Variants in VRK1 observed in about 807,000 individuals in gnomAD.
VRK1 encodes the protein serine/threonine-protein kinase VRK1.
A neutral mutation model predicts 57.1 loss-of-function variants in VRK1; 33 were observed. The observed-to-expected ratio is 0.58, with a 90% CI of 0.44 to 0.77. The LOEUF (loss-of-function observed/expected upper bound fraction) is 0.77. VRK1 is among the 30% of genes least tolerant of loss of function. The probability of loss-of-function intolerance (pLI) is 0.00; values close to 1 mark genes in which losing one functional copy is unlikely to be tolerated. For missense variants in VRK1, 413 were observed against 477.3 expected (o/e 0.87, Z 1.25); for synonymous variants, 137 against 147.8 (o/e 0.93, Z 0.53).
At chr14:96,842,976 C>G (rs1887525705) in intron 3 of VRK1, among the ~76,000 whole-genome samples, 1 of 152,146 alleles carries the variant, frequency 6.6e-6, no homozygotes, top group Non-Finnish European at 1.5e-5. Flanking sequence ...ATGTATCTGC[C>G]TTATGAAACA....
At chr14:96,857,733 T>A (rs983098812) in intron 10 of VRK1, among the ~76,000 whole-genome samples, 7 of 152,144 alleles carry the variant, frequency 4.6e-5, no homozygotes, top group Non-Finnish European at 1.0e-4. Flanking sequence ...CTCAGTTGTC[T>A]CCTTTTCAGG....
At chr14:96,871,829 A>T (rs866440727) in intron 11 of VRK1, among the ~76,000 whole-genome samples, 7 of 151,120 alleles carry the variant, frequency 4.6e-5, no homozygotes, top group Admixed American at 6.6e-5. Flanking sequence ...TTTTATTTTT[A>T]TTTTTTTTTG....
intron 3 of VRK1, 118 bp downstream of exon 3, chr14:96,837,935 C>T (rs1258770187): frequency 1.2e-5 from 7 of 561,750 alleles, no homozygotes; most frequent in Non-Finnish European, 2.0e-5. Context: ...TTTTTAATAA[C>T]TTAAAAAATA....
chr14:96,830,570 C>T (rs1886964674), intron 1 of VRK1, among the ~76,000 whole-genome samples: 1 of 151,924 alleles, frequency 6.6e-6, no homozygotes, highest in South Asian at 2.1e-4. Flanking sequence ...TGTTTTTTAG[C>T]TTGTTTTGAA....
chr14:96,845,297 T>G (rs980956096), intron 3 of VRK1, among the ~76,000 whole-genome samples: 1 of 152,202 alleles, frequency 6.6e-6, no homozygotes, highest in Non-Finnish European at 1.5e-5. Flanking sequence ...AATTTACTAT[T>G]TAAAAAGTCC....
At chr14:96,875,081 A>G (rs1888972744) in intron 11 of VRK1, among the ~76,000 whole-genome samples, 1 of 152,214 alleles carries the variant, frequency 6.6e-6, no homozygotes, top group Non-Finnish European at 1.5e-5. Context: ...TTGGATTAAA[A>G]TTTGTATTTT....
chr14:96,808,020 T>TCTCTATCTCTCCCA (rs1566683624), intron 1 of VRK1, among the ~76,000 whole-genome samples: 1 of 31,818 alleles, frequency 3.1e-5, no homozygotes, highest in African/African-American at 9.5e-5. Context: ...TCTCCCTCTG[T>TCTCTATCTCTCCCA]GTGTGTGTGT....
At chr14:96,800,855 TAATTA>T (rs1276261498) in intron 1 of VRK1, among the ~76,000 whole-genome samples, 1 of 152,024 alleles carries the variant, frequency 6.6e-6, no homozygotes, top group African/African-American at 2.4e-5. Context: ...ATGAAGTAAA[TAATTA>T]AATTGCAAGC....
intron 1 of VRK1, among the ~76,000 whole-genome samples, chr14:96,805,822 A>C (rs1022876137): frequency 6.6e-6 from 1 of 152,224 alleles, no homozygotes; most frequent in African/African-American, 2.4e-5. Flanking sequence ...CTTTCATGCA[A>C]CATCTCACAT....
At chr14:96,869,914 T>A (rs566520965) in intron 11 of VRK1, among the ~76,000 whole-genome samples, 5 of 152,332 alleles carry the variant, frequency 3.3e-5, no homozygotes, top group South Asian at 4.1e-4. Context: ...ATGTGTTGCC[T>A]TGAGATTAGT....
chr14:96,822,698 T>A (rs547307404), intron 1 of VRK1, among the ~76,000 whole-genome samples: 1 of 152,370 alleles, frequency 6.6e-6, no homozygotes, highest in South Asian at 2.1e-4. Flanking sequence ...GGAGAATTTT[T>A]CTTGACTTAG....
chr14:96,828,587 C>T (rs773756047), intron 1 of VRK1, among the ~76,000 whole-genome samples: 4 of 152,016 alleles, frequency 2.6e-5, no homozygotes, highest in South Asian at 2.1e-4. Context: ...TGAGTGTGCC[C>T]GATCTCGTCT....
chr14:96,876,757 C>T, intron 12 of VRK1, among the ~76,000 whole-genome samples: 1 of 138,344 alleles, frequency 7.2e-6, no homozygotes, highest in Admixed American at 7.5e-5. Flanking sequence ...TGGATGATCA[C>T]TTTTCAAAGT....
chr14:96,822,509 C>G (rs1375918721), intron 1 of VRK1, among the ~76,000 whole-genome samples: 1 of 152,172 alleles, frequency 6.6e-6, no homozygotes, highest in Non-Finnish European at 1.5e-5. Context: ...GAATTTGATT[C>G]ATTGCAAAAC....
At chr14:96,822,546 CAG>C in intron 1 of VRK1, among the ~76,000 whole-genome samples, 2 of 152,302 alleles carry the variant, frequency 1.3e-5, no homozygotes, top group East Asian at 3.9e-4. Flanking sequence ...TGACTTGTGA[CAG>C]AGGCACTACA....
intron 11 of VRK1, 136 bp from the exon 12 acceptor site, chr14:96,875,894 A>G: frequency 1.1e-6 from 1 of 908,348 alleles, no homozygotes; most frequent in Non-Finnish European, 1.7e-6. Context: ...CCTGAAGTTG[A>G]GAATATTCTT....
intron 11 of VRK1, among the ~76,000 whole-genome samples, chr14:96,871,844 G>A (rs1410015330): frequency 1.3e-4 from 20 of 151,044 alleles, no homozygotes; most frequent in Admixed American, 1.2e-3. Flanking sequence ...TTTTTGAGAC[G>A]GAGTCTTGCT....
rs948151259 is a variant in VRK1 at position 96,860,672 on chromosome 14, T to C, written c.1005T>C (p.Asp335=). 12 of 1,613,312 alleles carry C rather than the reference T, an allele frequency of 7.4e-6. No homozygotes were observed. In the African/African-American group the frequency reaches 1.5e-4, roughly 20 times the overall value. Residue 335 remains aspartate, a synonymous_variant, in exon 11 of 13, where the codon GAT becomes GAC. Coordinates refer to ENST00000216639, the MANE Select transcript of VRK1 (RefSeq NM_003384.3). Reference sequence around the variant, plus strand: ...GACTAAAAGCTATAGGAAGTAAGGATGATGGCAAATTGGACCTCAGTGTTG... The same window carrying C: ...GACTAAAAGCTATAGGAAGTAAGGACGATGGCAAATTGGACCTCAGTGTTG... ...LQGLKAIGSK[D]DGKLDLSVVE...
In VRK1 at chr14:96,864,192, T is replaced by A. The variant is rs572928765; in HGVS notation, c.1068+3457T>A. On this transcript the variant is annotated intron_variant, in intron 11 of 12. Transcript: ENST00000216639. ...TGTTATTGAATTCTTTATTTTGAAC[T>A]TCTTATTTGGCTGAATTTTGTCAAG... Among the ~76,000 whole-genome samples the A allele has an allele frequency of 1.8e-4, 27 of 152,324 alleles. No individual in the cohort carries two copies. In the East Asian group the frequency reaches 3.7e-3, roughly 21 times the overall value.
Sources: allele counts gnomAD v4.1 joint callset (sites outside exome capture counted in the v4.1 genomes callset), GRCh38; gene constraint gnomAD v4.1.1; transcripts MANE v1.5; gene names NCBI Gene and HGNC (gene_info 2026-07-23, HGNC 2026-07-21).